ANKZF1: variants seen among roughly 807,000 people sequenced by gnomAD.
ANKZF1 encodes the protein tRNA endonuclease ANKZF1.
In ANKZF1, 84 loss-of-function variants were observed where a neutral mutation model predicts 86.0. The observed-to-expected ratio is 0.98, with a 90% CI of 0.82 to 1.17. The LOEUF (loss-of-function observed/expected upper bound fraction) is 1.17. Among genes scored for constraint, ANKZF1 ranks in the 50% most tolerant of loss-of-function variants. The probability of loss-of-function intolerance (pLI) is 0.00; values close to 1 mark genes in which losing one functional copy is unlikely to be tolerated. For synonymous variants in ANKZF1, 331 were observed against 354.2 expected (o/e 0.93, Z 0.74); for missense variants, 893 against 918.4 (o/e 0.97, Z 0.36).
In ANKZF1 at chr2:219,235,095, C is replaced by G. The variant is rs761971891; in HGVS notation, c.1474C>G (p.Pro492Ala). The G allele has an allele frequency of 6.2e-7, 1 of 1,614,190 alleles. No individual in the cohort carries two copies. The highest frequency in any genetic ancestry group is 1.1e-5 in the South Asian group (1 of 91,084). Residue 492 changes from proline (P) to alanine (A), a missense_variant, in exon 10 of 14, where the codon CCA (proline) becomes GCA (alanine). Transcript: ENST00000323348. ...LLDEAKAPGQ[P>A]ELWNALLAAC... Reference sequence around the variant, plus strand: ...GGATGAGGCCAAAGCCCCTGGTCAGCCAGAGCTCTGGAATGCACTGCTTGC... The same window carrying G: ...GGATGAGGCCAAAGCCCCTGGTCAGGCAGAGCTCTGGAATGCACTGCTTGC...
chr2:219,235,915 A>G, intron 12 of ANKZF1, 40 bp downstream of exon 12: 1 of 1,613,722 alleles, frequency 6.2e-7, no homozygotes, highest in Admixed American at 1.7e-5. Context: ...AAGGCTTCCT[A>G]GAGGTCTAAC....
chr2:219,231,641 G>A, intron 2 of ANKZF1: 1 of 324,864 alleles, frequency 3.1e-6, no homozygotes, highest in Non-Finnish European at 5.8e-6. Context: ...TGATCCGTCT[G>A]CCTTGGCCTC....
rs773964965 is a variant in ANKZF1, at chr2:219,233,180, T to C, written c.660T>C (p.Ala220=). The change falls in exon 6 of 14, where the codon GCT becomes GCC. Residue 220 remains alanine, a synonymous_variant. Coordinates refer to ENST00000323348, the MANE Select transcript of ANKZF1 (RefSeq NM_018089.3). The stretch of plus-strand genomic sequence containing the variant: ...CTGCAGCTGGGCACTTTGCTGGTGC[T>C]ATATTTCAAGGGTGAGAGGGTGCTG... ...LMAAAGHFAG[A]IFQGREVVTH... is the part of the protein sequence containing the mutation. 5 of 1,614,226 alleles carry C rather than the reference T, an allele frequency of 3.1e-6. No individual in the cohort carries two copies. The East Asian group carries it at 1.1e-4, about 36-fold the overall frequency.
Position 219,232,946 on chromosome 2 carries a change from T to A in ANKZF1, c.559-133T>A, listed in dbSNP as rs949416124. The A allele has an allele frequency of 5.5e-5, 53 of 958,106 alleles. No individual in the cohort carries two copies. The African/African-American group carries it at 8.3e-4, about 15-fold the overall frequency. The allele number at this position is 958,106 out of a possible 1,614,324, so 59.4% of individuals were successfully genotyped here. A position where few individuals can be genotyped will look rare whatever the true frequency, so the allele number is the denominator to read the frequency against. The stretch of plus-strand genomic sequence containing the variant: ...TGACTGCCTCGCCAAGCCTCAAATT[T>A]CCTTGTTTGTCAAATGGAAACAAGC... On this transcript the variant is annotated intron_variant, in intron 5 of 13. Transcript: ENST00000323348.
rs772861491 is a variant in ANKZF1 at position 219,234,928 on chromosome 2, G to C, written c.1307G>C (p.Arg436Pro). 1 of 1,614,056 alleles carries C rather than the reference G, an allele frequency of 6.2e-7. No individual in the cohort carries two copies. Among genetic ancestry groups the C allele is most frequent in the Non-Finnish European group, 8.5e-7 (1 of 1,179,994 alleles). The change falls in exon 10 of 14, where the codon CGG becomes CCG. Residue 436 changes from arginine to proline, a missense_variant. Arg to Pro is a moderately radical substitution (Grantham distance 103). Transcript: ENST00000323348. ...TGTGAGTCTGAAGTATTGCCCAAGCGGAGGAGGAGAAAAAGGAATAAGAAG... is the reference window on the plus strand; with the variant it reads ...TGTGAGTCTGAAGTATTGCCCAAGCCGAGGAGGAGAAAAAGGAATAAGAAG... ...DLCESEVLPK[R>P]RRRKRNKKEK... is the part of the protein sequence containing the mutation.
chr2:219,234,086 A>G, intron 8 of ANKZF1, 47 bp from the exon 9 acceptor site: 1 of 1,587,874 alleles, frequency 6.3e-7, no homozygotes, highest in Non-Finnish European at 8.5e-7. Context: ...AACCTGCGCT[A>G]GCTTCTCCTC....
In ANKZF1 at chr2:219,233,776, T is replaced by C; in HGVS notation, c.881T>C (p.Ile294Thr). The change falls in exon 8 of 14, where the codon ATA (isoleucine) becomes ACA (threonine). Residue 294 changes from isoleucine (I) to threonine (T), a missense_variant. Coordinates refer to ENST00000323348, the MANE Select transcript of ANKZF1 (RefSeq NM_018089.3). Reference protein sequence around the residue: ...WAKALEEAGTILLRAPRSGRS... With the variant: ...WAKALEEAGTTLLRAPRSGRS... ...AAGGCGCTGGAGGAGGCTGGTACAA[T>C]ACTGTTGCGTGCTCCCCGCTCTGGC... The C allele has an allele frequency of 1.9e-6, 3 of 1,614,114 alleles. No individual in the cohort carries two copies. Among genetic ancestry groups the C allele is most frequent in the Non-Finnish European group, 2.5e-6 (3 of 1,180,034 alleles).
intron 5 of ANKZF1, 67 bp downstream of exon 5, chr2:219,232,750 G>A: frequency 6.7e-7 from 1 of 1,503,174 alleles, no homozygotes; most frequent in Non-Finnish European, 9.0e-7. Context: ...ATTTCCCTTA[G>A]CCTAGTGCAT....
At chr2:219,232,712 A>T (rs1370804224) in intron 5 of ANKZF1, 29 bp downstream of exon 5, 1 of 1,599,094 alleles carries the variant, frequency 6.3e-7, no homozygotes, top group Admixed American at 1.7e-5. Context: ...TGCATGGCTA[A>T]CCCCAGCCTT....
At position 219,235,741 on chromosome 2, in the gene ANKZF1, C is replaced by G. The variant is rs76130952; in HGVS notation, c.1837C>G (p.Arg613Gly). ...PGPLTPEMEARQATRKREQKA... is the reference protein window; with the variant it reads ...PGPLTPEMEAGQATRKREQKA... ...ACCATTGACACCAGAAATGGAGGCA[C>G]GGCAGGCTACACGGAAAAGGGAGCA... Residue 613 changes from arginine to glycine, a missense_variant, in exon 12 of 14, where the codon CGG becomes GGG. By Grantham distance (125) the Arg-to-Gly change is moderately radical. Transcript: ENST00000323348. The G allele has an allele frequency of 6.2e-7, 1 of 1,614,112 alleles. No individual in the cohort carries two copies. Among genetic ancestry groups the G allele is most frequent in the Admixed American group, 1.7e-5 (1 of 60,022 alleles).
Position 219,235,837 on chromosome 2 carries a change from G to A in ANKZF1, c.1933G>A (p.Glu645Lys), listed in dbSNP as rs754747801. The change falls in exon 12 of 14, where the codon GAG becomes AAG. Residue 645 changes from glutamate to lysine, a missense_variant. Physicochemically the swap from Glu to Lys is moderately conservative, Grantham distance 56. Transcript: ENST00000323348. Reference protein sequence around the residue: ...QQEQEEREREEQRRFAALSDR... With the variant: ...QQEQEEREREKQRRFAALSDR... ...GGAGCAGGAGGAGCGTGAACGAGAA[G>A]AGCAGCGGCGATTTGCCGCCCTCAG... 6.2e-7 allele frequency: 1 copy of A among 1,614,216 alleles called. No individual in the cohort carries two copies. Among genetic ancestry groups the A allele is most frequent in the Admixed American group, 1.7e-5 (1 of 60,032 alleles).
intron 7 of ANKZF1, 40 bp downstream of exon 7, chr2:219,233,473 C>T: frequency 1.3e-6 from 2 of 1,540,272 alleles, no homozygotes; most frequent in Non-Finnish European, 1.7e-6. Context: ...CTGATCCATA[C>T]TTTTTTTGCA....
In ANKZF1 at chr2:219,232,023, C is replaced by T. The variant is rs769532830; in HGVS notation, c.244C>T (p.Gln82Ter). ...TTGTTCAACTTGTGACCAGACCTTC[C>T]AGAACCACCAAGAACAGGTAATAGG... ...LFCSTCDQTF[Q>*]NHQEQREHYK... The change falls in exon 3 of 14, where the codon CAG (glutamine) becomes TAG (stop). Residue 82 changes from glutamine to a stop codon, truncating the protein, a stop_gained. Transcript: ENST00000323348. LOFTEE classifies it high-confidence loss of function. 41 of 1,607,458 alleles carry T rather than the reference C, an allele frequency of 2.6e-5. No individual in the cohort carries two copies. Among genetic ancestry groups the T allele is most frequent in the Non-Finnish European group, 3.0e-5 (35 of 1,177,848 alleles).
At chr2:219,234,801 T>C (rs768417817) in intron 9 of ANKZF1, 25 bp from the exon 10 acceptor site, 1 of 1,591,506 alleles carries the variant, frequency 6.3e-7, no homozygotes, top group Admixed American at 1.7e-5. Context: ...CCTAGATGGA[T>C]TTCACATGTC....
In ANKZF1 at chr2:219,232,508, C is replaced by A; in HGVS notation, c.383C>A (p.Ser128Ter). The change falls in exon 5 of 14, where the codon TCG becomes TAG. Residue 128 changes from serine to a stop codon, truncating the protein, a stop_gained. Transcript: ENST00000323348. LOFTEE classifies it high-confidence loss of function. Reference protein sequence around the residue: ...QSSTGDLSSISGSEDSDSASE... With the variant: ...QSSTGDLSSI ...TCTTCAGGAGATCTTTCCAGCATCT[C>A]GGGATCAGAAGACTCAGACTCAGCC... 6.2e-7 allele frequency: 1 copy of A among 1,614,106 alleles called. No individual in the cohort carries two copies. Among genetic ancestry groups the A allele is most frequent in the Non-Finnish European group, 8.5e-7 (1 of 1,180,000 alleles).
Position 219,231,810 on chromosome 2 carries a change from A to G in ANKZF1, c.149-118A>G, listed in dbSNP as rs753224811. 12 of 780,234 alleles carry G rather than the reference A, an allele frequency of 1.5e-5. No individual in the cohort carries two copies. In the Admixed American group the frequency reaches 2.2e-4, roughly 14 times the overall value. The allele number at this position is 780,234 out of a possible 1,614,324, so 48.3% of individuals were successfully genotyped here. ...ATTAGAGTGTAAATTCCTTGAAGGC[A>G]GTATCATGCCATCTCTTTTGTATCC... On this transcript the variant is annotated intron_variant, in intron 2 of 13. Transcript: ENST00000323348.
rs2293075 is a variant in ANKZF1, at chr2:219,235,479, C to G, written c.1697C>G (p.Ser566Cys). ...TTTGGAGTTTTTGCACCTAGGGACT[C>G]TCGGGCCCGGCCACCTTATACTGTT... is the stretch of plus-strand genomic sequence containing the variant. ...EAGADPTVQD[S>C]RARPPYTVAA... The change falls in exon 11 of 14, where the codon TCT becomes TGT. Residue 566 changes from serine to cysteine, a missense_variant. Coordinates refer to ENST00000323348, the MANE Select transcript of ANKZF1 (RefSeq NM_018089.3). 8,115 of 1,613,920 alleles carry G rather than the reference C, an allele frequency of 5.0e-3. 327 individuals carry two copies. The Admixed American group carries it at 0.081, about 16-fold the overall frequency.
chr2:219,234,806 CAT>C lies in ANKZF1; in HGVS notation c.1205-19_1205-18del, dbSNP rs557678219. On this transcript the variant is annotated intron_variant, in intron 9 of 13. Transcript: ENST00000323348. ...CTGAGTACTCCCTAGATGGATTTCACATGTCAGGTTTTTCCCTAGGTTCAGGG... is the reference window on the plus strand; with the variant it reads ...CTGAGTACTCCCTAGATGGATTTCACGTCAGGTTTTTCCCTAGGTTCAGGG... 3.8e-6 allele frequency: 6 copies of C among 1,594,266 alleles called. No homozygotes were observed. Among genetic ancestry groups the C allele is most frequent in the Non-Finnish European group, 4.3e-6 (5 of 1,169,494 alleles).
At chr2:219,230,564 A>G (rs1236184091) in intron 2 of ANKZF1, 159 bp downstream of exon 2, 1 of 980,842 alleles carries the variant, frequency 1.0e-6, no homozygotes, top group African/African-American at 1.7e-5. Flanking sequence ...TGTCCAGCAC[A>G]GCCCTTGTTT....
Sources: gnomAD v4.1 joint callset for allele counts on GRCh38, gnomAD v4.1.1 for gene constraint, MANE v1.5 for transcripts, NCBI Gene and HGNC (gene_info 2026-07-23, HGNC 2026-07-21) for gene names.